The following ZRANB1 variants were observed in gnomAD, a reference collection of about 807,000 sequenced individuals.
ZRANB1 encodes the protein zinc finger RANBP2-type containing 1, also known as ubiquitin thioesterase ZRANB1.
Under a neutral mutation model 80.5 loss-of-function variants are expected in ZRANB1, and 16 were observed. The ratio of observed to expected loss-of-function variants is 0.20; its 90% confidence interval spans 0.13 to 0.30. ZRANB1 has a LOEUF of 0.30. Among genes scored for constraint, ZRANB1 ranks in the 10% least tolerant of loss-of-function variants. The pLI, the probability that ZRANB1 is intolerant of heterozygous loss-of-function variation, is 1.00. For synonymous variants in ZRANB1, 291 were observed against 293.1 expected (o/e 0.99, Z 0.07); for missense variants, 576 against 862.6 (o/e 0.67, Z 4.16).
At chr10:124,947,461 A>G (rs1951594904) in intron 1 of ZRANB1, among the ~76,000 whole-genome samples, 1 of 152,208 alleles carries the variant, frequency 6.6e-6, no homozygotes, top group Non-Finnish European at 1.5e-5. Context: ...TTGCACTTCA[A>G]TTTGTGTACA....
the ZRANB1 span, among the ~76,000 whole-genome samples, chr10:124,924,342 A>C: frequency 1.3e-5 from 2 of 151,750 alleles, no homozygotes; most frequent in Non-Finnish European, 2.9e-5. Context: ...TTCATATACC[A>C]TAAAATTCAC....
chr10:124,963,537 G>GTTTTTTTTTTTGTTTTGTTTTTTTTTT (rs1951751248), intron 1 of ZRANB1, among the ~76,000 whole-genome samples: 1 of 93,476 alleles, frequency 1.1e-5, no homozygotes, highest in Non-Finnish European at 2.3e-5. Flanking sequence ...ATATTGTAAG[G>GTTTTTTTTTTTGTTTTGTTTTTTTTTT]TTTTTTTTTT....
chr10:124,956,873 T>G (rs1260041268), intron 1 of ZRANB1, among the ~76,000 whole-genome samples: 1 of 152,230 alleles, frequency 6.6e-6, no homozygotes, highest in African/African-American at 2.4e-5. Context: ...TCCAGTTCTT[T>G]GCTGTATTTG....
At chr10:124,959,029 C>A (rs1387852220) in intron 1 of ZRANB1, among the ~76,000 whole-genome samples, 2 of 152,170 alleles carry the variant, frequency 1.3e-5, no homozygotes. Context: ...TTCATTCATT[C>A]ATGCATTCAG....
chr10:124,981,643 C>A, intron 5 of ZRANB1, 66 bp from the exon 6 acceptor site: 2 of 1,386,322 alleles, frequency 1.4e-6, no homozygotes, highest in Non-Finnish European at 1.9e-6. Context: ...TAAAAATGAT[C>A]AGAACTTTAA....
Position 124,985,156 on chromosome 10 carries a change from C to G in ZRANB1, c.*164C>G, listed in dbSNP as rs1952004982. The G allele has an allele frequency of 5.3e-6, 3 of 564,854 alleles. No homozygotes were observed. Among genetic ancestry groups the G allele is most frequent in the Non-Finnish European group, 9.3e-6 (3 of 322,488 alleles). 35.0% of individuals were successfully genotyped at this position (564,854 alleles called of 1,614,324 possible). On this transcript the variant is annotated 3_prime_UTR_variant, in exon 9 of 9. Transcript: ENST00000359653. ...CACACACACCTTATGGAGATAATGC[C>G]TCTGCTGCGTGAGGAGACAGAGAAC...
intron 1 of ZRANB1, 80 bp from the exon 2 acceptor site, chr10:124,966,514 A>ATTTTT: frequency 7.2e-7 from 1 of 1,396,416 alleles, no homozygotes; most frequent in South Asian, 1.3e-5. Flanking sequence ...CACTTAAAAG[A>ATTTTT]TTTTGGAGTG....
At chr10:124,945,630 G>A (rs930800013) in intron 1 of ZRANB1, 2 of 152,012 alleles carry the variant, frequency 1.3e-5, no homozygotes, top group East Asian at 3.9e-4. Context: ...CAAGTCAGTG[G>A]ATCTCAGGAT....
upstream of ZRANB1, among the ~76,000 whole-genome samples, chr10:124,939,813 A>T (rs577116373): frequency 1.3e-5 from 2 of 152,242 alleles, no homozygotes; most frequent in Admixed American, 1.3e-4. Flanking sequence ...GAGTATGAAA[A>T]TTGCCATTAA....
the ZRANB1 span, among the ~76,000 whole-genome samples, chr10:124,931,120 G>A: frequency 6.6e-6 from 1 of 152,042 alleles, no homozygotes; most frequent in Admixed American, 6.6e-5. Context: ...TTTTTCTCTT[G>A]GCTGTAGTGC....
rs1392880795 is a variant in ZRANB1 at position 124,986,038 on chromosome 10, G to GTGTT, written c.*1048_*1051dup. 3.9e-5 allele frequency: 6 copies of GTGTT among 152,660 alleles called. No homozygotes were observed. The East Asian group carries it at 9.6e-4, about 24-fold the overall frequency. The allele number at this position is 152,660 out of a possible 1,614,324, so 9.5% of individuals were successfully genotyped here. ...AATGCATTGTATGAAGAATTTCTCAGTGTTTAGTCTGAGAATTTTTGCATG... is the reference window on the plus strand; with the variant it reads ...AATGCATTGTATGAAGAATTTCTCAGTGTTTGTTTAGTCTGAGAATTTTTGCATG... On this transcript the variant is annotated 3_prime_UTR_variant, in exon 9 of 9. Transcript: ENST00000359653.
At chr10:124,943,407 C>A in intron 1 of ZRANB1, 100 bp downstream of exon 1, 1 of 1,187,258 alleles carries the variant, frequency 8.4e-7, no homozygotes, top group Non-Finnish European at 1.2e-6. Context: ...GTGGTCTTAG[C>A]CACTTGCTTG....
chr10:124,943,335 C>A (rs1025793), intron 1 of ZRANB1, 28 bp downstream of exon 1: 3 of 1,581,048 alleles, frequency 1.9e-6, no homozygotes, highest in Non-Finnish European at 2.6e-6. Context: ...GCATTTTTTG[C>A]GTGGGATGGG....
intron 1 of ZRANB1, among the ~76,000 whole-genome samples, chr10:124,960,941 G>A (rs745795527): frequency 6.6e-6 from 1 of 151,952 alleles, no homozygotes; most frequent in Non-Finnish European, 1.5e-5. Flanking sequence ...TGTGGTTTTG[G>A]CATACACTAT....
chr10:124,977,311 T>C, intron 5 of ZRANB1, among the ~76,000 whole-genome samples: 1 of 150,934 alleles, frequency 6.6e-6, no homozygotes, highest in Non-Finnish European at 1.5e-5. Context: ...AAAAAGACAT[T>C]TGTGGTGAGT....
Position 124,983,213 on chromosome 10 carries a change from G to A in ZRANB1, c.1587G>A (p.Leu529=). The change falls in exon 7 of 9, where the codon CTG becomes CTA. Residue 529 remains leucine (L), a synonymous_variant. Transcript: ENST00000359653. This position sits in a 1 kb window ranked among gnomAD's most constrained non-coding sequence, Gnocchi z 6.2. The stretch of plus-strand genomic sequence containing the variant: ...TGGAGCAGACGCACATTTTTGTACT[G>A]GCACATATTCTTAGACGACCAATTA... ...ASLEQTHIFV[L]AHILRRPIIV... 6.2e-7 allele frequency: 1 copy of A among 1,614,066 alleles called. No homozygotes were observed. Among genetic ancestry groups the A allele is most frequent in the Non-Finnish European group, 8.5e-7 (1 of 1,180,004 alleles).
Position 124,978,793 on chromosome 10 carries a change from A to AT in ZRANB1, c.1428-2894dup, listed in dbSNP as rs35714295. 4.0e-3 allele frequency among the ~76,000 whole-genome samples: 460 copies of AT among 115,416 alleles called. 2 individuals carry two copies. The highest frequency in any genetic ancestry group is 0.013 in the African/African-American group (409 of 31,274). The allele number at this position is 115,416 out of a possible 152,430, so 75.7% of individuals were successfully genotyped here. ...AGGCACATGCCAACATTCCCAGCTAATTTTTTTTTTTTTTTTTTTTTTGTA... is the reference window on the plus strand; with the variant it reads ...AGGCACATGCCAACATTCCCAGCTAATTTTTTTTTTTTTTTTTTTTTTTGTA... On this transcript the variant is annotated intron_variant, in intron 5 of 8. Coordinates refer to ENST00000359653, the MANE Select transcript of ZRANB1 (RefSeq NM_017580.3).
intron 2 of ZRANB1, among the ~76,000 whole-genome samples, chr10:124,969,318 C>T (rs1436843443): frequency 6.6e-6 from 1 of 152,082 alleles, no homozygotes; most frequent in Non-Finnish European, 1.5e-5. Context: ...GGATTTGTTC[C>T]AGGCAAAGAG....
At chr10:124,939,045 G>A (rs1310848310), upstream of ZRANB1, among the ~76,000 whole-genome samples, 1 of 151,958 alleles carries the variant, frequency 6.6e-6, no homozygotes, top group East Asian at 1.9e-4. Context: ...GGCATGGTGG[G>A]ATGCGCCTGT....
Sources: allele counts gnomAD v4.1 joint callset (sites outside exome capture counted in the v4.1 genomes callset), GRCh38; gene constraint gnomAD v4.1.1; non-coding constraint Gnocchi (gnomAD v3.1); transcripts MANE v1.5; gene names NCBI Gene and HGNC (gene_info 2026-07-23, HGNC 2026-07-21).